ROBO1: variants seen among roughly 807,000 people sequenced by gnomAD.
ROBO1 encodes the protein roundabout guidance receptor 1.
In ROBO1, 149 loss-of-function variants were observed where a neutral mutation model predicts 195.9. The ratio of observed to expected loss-of-function variants is 0.76; its 90% confidence interval spans 0.67 to 0.87. The LOEUF (loss-of-function observed/expected upper bound fraction) is 0.87, where lower values mean the gene tolerates loss of function less well. ROBO1 is among the 40% of genes least tolerant of loss of function. ROBO1 has a pLI of 0.00. For missense variants in ROBO1, 1,933 were observed against 2,068.3 expected (o/e 0.93, Z 1.27); for synonymous variants, 816 against 733.2 (o/e 1.11, Z -1.82).
At chr3:79,354,835 G>A (rs1202618872) in intron 2 of ROBO1, among the ~76,000 whole-genome samples, 1 of 152,136 alleles carries the variant, frequency 6.6e-6, no homozygotes, top group Non-Finnish European at 1.5e-5. Context: ...CAAGCCTAGA[G>A]ATGTAGATTT....
chr3:78,637,668 T>G (rs546226661), intron 22 of ROBO1, among the ~76,000 whole-genome samples: 1 of 152,310 alleles, frequency 6.6e-6, no homozygotes, highest in East Asian at 1.9e-4. Context: ...CCTATAGGTC[T>G]CAACCCAGTT....
chr3:79,339,751 T>C (rs1330372672), intron 2 of ROBO1, among the ~76,000 whole-genome samples: 2 of 152,226 alleles, frequency 1.3e-5, no homozygotes, highest in African/African-American at 2.4e-5. Context: ...TGTACTGCCA[T>C]TTCTTTGACC....
intron 26 of ROBO1, among the ~76,000 whole-genome samples, chr3:78,624,657 T>C (rs899926079): frequency 1.3e-5 from 2 of 152,122 alleles, no homozygotes; most frequent in African/African-American, 4.8e-5. Context: ...TGGAACTCAA[T>C]GACATGAACG....
At chr3:79,324,972 A>G (rs1485072680) in intron 2 of ROBO1, among the ~76,000 whole-genome samples, 7 of 152,216 alleles carry the variant, frequency 4.6e-5, no homozygotes, top group Non-Finnish European at 8.8e-5. Context: ...TGCAGTGTAC[A>G]TGCAGAGCAT....
Position 78,785,391 on chromosome 3 carries a change from C to T in ROBO1, c.500-38491G>A, listed in dbSNP as rs146365288. ...TCTTTGTCAGGCTCCTAGCTCTCAA[C>T]TTACTACCTACCCATACAAAATCGC... is the stretch of plus-strand genomic sequence containing the variant. On this transcript the variant is annotated intron_variant, in intron 4 of 30. Transcript: ENST00000464233. Among the ~76,000 whole-genome samples the T allele has an allele frequency of 2.5e-3, 375 of 152,294 alleles. 3 individuals are homozygous for T. The highest frequency in any genetic ancestry group is 8.4e-3 in the African/African-American group (351 of 41,560).
intron 10 of ROBO1, among the ~76,000 whole-genome samples, chr3:78,682,394 T>C (rs1184857880): frequency 6.6e-6 from 1 of 150,692 alleles, no homozygotes; most frequent in Non-Finnish European, 1.5e-5. Flanking sequence ...ATATATTACA[T>C]ATATCAAAAA....
At position 79,065,410 on chromosome 3, in the gene ROBO1, T is replaced by C. The variant is rs575203291; in HGVS notation, c.172+60046A>G. ...GGCCTAGAAAAAAAAATGACCGATC[T>C]GTGAGCATCCTTAGTGTCAGGCTTT... On this transcript the variant is annotated intron_variant, in intron 3 of 30. Coordinates refer to ENST00000464233, the MANE Select transcript of ROBO1 (RefSeq NM_002941.4). 5.3e-5 allele frequency among the ~76,000 whole-genome samples: 8 copies of C among 152,046 alleles called. No homozygotes were observed. The South Asian group carries it at 1.7e-3, about 31-fold the overall frequency.
chr3:79,173,304 A>G (rs773440194), intron 2 of ROBO1, among the ~76,000 whole-genome samples: 1 of 152,104 alleles, frequency 6.6e-6, no homozygotes, highest in Non-Finnish European at 1.5e-5. Flanking sequence ...CCGAGGCTGG[A>G]GCCAGCTCCC....
At chr3:79,423,971 C>T (rs1012207592) in intron 2 of ROBO1, among the ~76,000 whole-genome samples, 2 of 151,678 alleles carry the variant, frequency 1.3e-5, no homozygotes, top group Non-Finnish European at 2.9e-5. Flanking sequence ...CTGAAGGTAC[C>T]ACCTGGACCT....
chr3:78,918,401 G>T (rs145250778), intron 4 of ROBO1, among the ~76,000 whole-genome samples: 3,081 of 152,116 alleles, frequency 0.02, 70 homozygotes, highest in Middle Eastern at 0.12. Flanking sequence ...GACAGAGAGC[G>T]GCTTGGAAAA....
intron 3 of ROBO1, among the ~76,000 whole-genome samples, chr3:79,101,154 T>C (rs186795191): frequency 1.3e-5 from 2 of 151,782 alleles, no homozygotes; most frequent in East Asian, 3.9e-4. Context: ...AACACAGATA[T>C]AGCTACTCTG....
chr3:79,468,958 G>A (rs1452432780), intron 2 of ROBO1, among the ~76,000 whole-genome samples: 1 of 152,114 alleles, frequency 6.6e-6, no homozygotes, highest in African/African-American at 2.4e-5. Context: ...GTGTTGTGAA[G>A]ACTAAATGAG....
chr3:78,822,030 A>T (rs1338039216), intron 4 of ROBO1, among the ~76,000 whole-genome samples: 1 of 151,968 alleles, frequency 6.6e-6, no homozygotes, highest in Non-Finnish European at 1.5e-5. Context: ...GAGTTGTCCC[A>T]TCTGAAAGGA....
chr3:78,994,086 TCTA>T (rs772515095), intron 3 of ROBO1, among the ~76,000 whole-genome samples: 26 of 152,138 alleles, frequency 1.7e-4, no homozygotes, highest in Non-Finnish European at 3.4e-4. Context: ...GCCAAATTGA[TCTA>T]TATAGATATC....
chr3:78,749,483 C>G (rs2082736707), intron 4 of ROBO1, among the ~76,000 whole-genome samples: 1 of 152,098 alleles, frequency 6.6e-6, no homozygotes. Context: ...GTTTTTGCAG[C>G]TGTAAAGCAT....
intron 1 of ROBO1, among the ~76,000 whole-genome samples, chr3:79,741,578 C>A (rs1282427809): frequency 1.3e-5 from 2 of 152,150 alleles, no homozygotes; most frequent in East Asian, 1.9e-4. Flanking sequence ...CAGTAGCTTC[C>A]TTTATAACCA....
At chr3:79,276,112 TA>T (rs919164351) in intron 2 of ROBO1, among the ~76,000 whole-genome samples, 4 of 151,830 alleles carry the variant, frequency 2.6e-5, no homozygotes, top group African/African-American at 9.6e-5. Flanking sequence ...TCACAGCATA[TA>T]AAAAATAATC....
intron 1 of ROBO1, among the ~76,000 whole-genome samples, chr3:79,662,709 C>G (rs1946365256): frequency 6.6e-6 from 1 of 151,986 alleles, no homozygotes; most frequent in Non-Finnish European, 1.5e-5. Context: ...CCCAGTGGAC[C>G]CCACCACCAT....
chr3:79,249,118 G>T (rs1284620901), intron 2 of ROBO1, among the ~76,000 whole-genome samples: 1 of 152,128 alleles, frequency 6.6e-6, no homozygotes, highest in Non-Finnish European at 1.5e-5. Flanking sequence ...TTTTAAAAGT[G>T]TACCTAATTT....
Sources: gnomAD v4.1 joint callset for allele counts (sites outside exome capture counted in the v4.1 genomes callset) on GRCh38, gnomAD v4.1.1 for gene constraint, MANE v1.5 for transcripts, NCBI Gene and HGNC (gene_info 2026-07-23, HGNC 2026-07-21) for gene names.